The following LRRIQ1 variants were observed in gnomAD, a reference collection of about 807,000 sequenced individuals.
LRRIQ1 encodes the protein leucine rich repeats and IQ motif containing 1, also known as leucine-rich repeat- and IQ domain-containing protein 1.
A neutral mutation model predicts 211.9 loss-of-function variants in LRRIQ1; 210 were observed. The observed-to-expected ratio is 0.99, with a 90% CI of 0.89 to 1.11. LRRIQ1 has a LOEUF of 1.11. Among genes scored for constraint, LRRIQ1 ranks in the 50% most tolerant of loss-of-function variants. The pLI, the probability that LRRIQ1 is intolerant of heterozygous loss-of-function variation, is 0.00. For missense variants in LRRIQ1, 2,136 were observed against 1,939.5 expected, an observed-to-expected ratio of 1.10 and a Z score of -1.90; for synonymous variants, 699 against 650.1, an observed-to-expected ratio of 1.08 and a Z score of -1.14.
chr12:85,190,442 TTAA>T (rs1294545945), intron 24 of LRRIQ1, among the ~76,000 whole-genome samples: 2 of 147,496 alleles, frequency 1.4e-5, no homozygotes, highest in Admixed American at 1.4e-4. Context: ...ATCAAATAGT[TTAA>T]TATTAATATA....
At chr12:85,125,983 G>T (rs1355920774) in intron 17 of LRRIQ1, among the ~76,000 whole-genome samples, 1 of 152,120 alleles carries the variant, frequency 6.6e-6, no homozygotes, top group East Asian at 1.9e-4. Context: ...ACTGCCAATT[G>T]TATAAGAGTT....
At chr12:85,115,174 C>T (rs969048910) in intron 15 of LRRIQ1, among the ~76,000 whole-genome samples, 9 of 152,034 alleles carry the variant, frequency 5.9e-5, no homozygotes, top group Non-Finnish European at 1.2e-4. Flanking sequence ...GATTAGGAGG[C>T]GCCCAGCTGG....
chr12:85,064,931 T>A (rs1005405642), intron 8 of LRRIQ1, among the ~76,000 whole-genome samples: 1 of 151,954 alleles, frequency 6.6e-6, no homozygotes, highest in Middle Eastern at 3.4e-3. Context: ...TTACTACAGC[T>A]GTGTAGTATA....
At chr12:85,225,183 T>C (rs1015888347) in intron 24 of LRRIQ1, among the ~76,000 whole-genome samples, 2 of 152,132 alleles carry the variant, frequency 1.3e-5, no homozygotes, top group African/African-American at 4.8e-5. Context: ...GTTTATATTA[T>C]ATTGGGCATT....
At chr12:85,036,841 C>G (rs867185358) in intron 1 of LRRIQ1, among the ~76,000 whole-genome samples, 1 of 151,652 alleles carries the variant, frequency 6.6e-6, no homozygotes, top group Non-Finnish European at 1.5e-5. Flanking sequence ...GTTCCTTAAG[C>G]TTTTCTACTT....
intron 15 of LRRIQ1, among the ~76,000 whole-genome samples, chr12:85,117,628 G>A (rs573204564): frequency 6.6e-6 from 1 of 152,160 alleles, no homozygotes; most frequent in African/African-American, 2.4e-5. Context: ...ATAAACTGTG[G>A]GTTATTCTCA....
intron 11 of LRRIQ1, among the ~76,000 whole-genome samples, chr12:85,094,799 T>C (rs1885721152): frequency 6.6e-6 from 1 of 152,108 alleles, no homozygotes; most frequent in Non-Finnish European, 1.5e-5. Flanking sequence ...TGGTGCTTTG[T>C]AGTTCTCTTT....
chr12:85,229,477 T>G (rs1211054765), intron 24 of LRRIQ1, 40 bp from the exon 25 acceptor site: 10 of 1,529,930 alleles, frequency 6.5e-6, no homozygotes, highest in Non-Finnish European at 7.9e-6. Flanking sequence ...AAGTTTGGTC[T>G]CTTTAAATAA....
chr12:85,217,380 C>T (rs1466020784), intron 24 of LRRIQ1, among the ~76,000 whole-genome samples: 1 of 148,036 alleles, frequency 6.8e-6, no homozygotes, highest in Non-Finnish European at 1.5e-5. Flanking sequence ...ACTTGTCCCT[C>T]AATTAATAAA....
chr12:85,121,853 T>C lies in LRRIQ1; in HGVS notation c.3534T>C (p.Ile1178=). The C allele has an allele frequency of 6.2e-7, 1 of 1,606,816 alleles. No individual in the cohort carries two copies. The highest frequency in any genetic ancestry group is 8.5e-7 in the Non-Finnish European group (1 of 1,177,036). The part of the protein sequence containing the change: ...QSQIREFNLL[I]ENYITGKGDV... ...AGATTCGAGAATTCAACTTGCTAAT[T>C]GAAAATTATATAACTGGAAAAGGGT... Residue 1178 remains isoleucine, a synonymous_variant, in exon 16 of 27, where the codon ATT becomes ATC. Coordinates refer to ENST00000393217, the MANE Select transcript of LRRIQ1 (RefSeq NM_001079910.2).
intron 24 of LRRIQ1, among the ~76,000 whole-genome samples, chr12:85,184,646 G>T (rs1892145138): frequency 6.6e-6 from 1 of 151,900 alleles, no homozygotes; most frequent in Non-Finnish European, 1.5e-5. Context: ...ATTAAGGGAA[G>T]GAAGACCCTT....
intron 19 of LRRIQ1, among the ~76,000 whole-genome samples, chr12:85,150,499 A>C (rs74114210): frequency 0.013 from 2,004 of 151,944 alleles, 47 homozygotes; most frequent in African/African-American, 0.045. Flanking sequence ...GATTGTATAA[A>C]TCAGTGGGAG....
intron 1 of LRRIQ1, among the ~76,000 whole-genome samples, chr12:85,252,286 T>C (rs528941671): frequency 2.2e-4 from 33 of 152,068 alleles, no homozygotes; most frequent in African/African-American, 7.9e-4. Flanking sequence ...TAGTTTTCTA[T>C]TGAAAAGTCA....
At chr12:85,156,070 G>C (rs898869715) in intron 23 of LRRIQ1, among the ~76,000 whole-genome samples, 3 of 151,590 alleles carry the variant, frequency 2.0e-5, no homozygotes, top group African/African-American at 7.3e-5. Flanking sequence ...TTTTGGGTTA[G>C]GTTAAAATCC....
At chr12:85,092,161 C>T (rs1252980941) in intron 11 of LRRIQ1, among the ~76,000 whole-genome samples, 1 of 152,128 alleles carries the variant, frequency 6.6e-6, no homozygotes, top group Non-Finnish European at 1.5e-5. Context: ...GAGATCATAA[C>T]AAATCAGTTG....
At chr12:85,264,432 A>C (rs1896381045) in exon 2 of LRRIQ1, 1 of 152,050 alleles carries the variant, frequency 6.6e-6, no homozygotes, top group South Asian at 2.1e-4. Flanking sequence ...TGATTGATAT[A>C]TATGTCAATA....
chr12:85,055,607 C>G lies in LRRIQ1; in HGVS notation c.814C>G (p.Gln272Glu), dbSNP rs567931892. 1.9e-6 allele frequency: 3 copies of G among 1,567,500 alleles called. No individual in the cohort carries two copies. Among genetic ancestry groups the G allele is most frequent in the African/African-American group, 2.8e-5 (2 of 71,880 alleles). Residue 272 changes from glutamine (Q) to glutamate (E), a missense_variant, in exon 8 of 27, where the codon CAA becomes GAA. Physicochemically the swap from Gln to Glu is conservative, Grantham distance 29. Coordinates refer to ENST00000393217, the MANE Select transcript of LRRIQ1 (RefSeq NM_001079910.2). ...EEERTRFKDQQEKEKNSLLKQ... is the reference protein window; with the variant it reads ...EEERTRFKDQEEKEKNSLLKQ... Reference sequence around the variant, plus strand: ...AGAAAGAACAAGATTTAAAGACCAACAAGAAAAAGAAAAAAATTCTTTGTT... The same window carrying G: ...AGAAAGAACAAGATTTAAAGACCAAGAAGAAAAAGAAAAAAATTCTTTGTT...
intron 19 of LRRIQ1, among the ~76,000 whole-genome samples, chr12:85,148,863 C>T (rs892616639): frequency 1.3e-5 from 2 of 152,022 alleles, no homozygotes; most frequent in African/African-American, 4.8e-5. Context: ...GAGATAGTAT[C>T]TCATTGTGGT....
chr12:85,056,132 A>C lies in LRRIQ1; in HGVS notation c.1339A>C (p.Met447Leu). Reference protein sequence around the residue: ...VLLWLVEESNMKENVDRQTIL... With the variant: ...VLLWLVEESNLKENVDRQTIL... ...CCTTTGGCTAGTTGAGGAATCAAAT[A>C]TGAAAGAAAATGTAGATAGACAGAC... is the stretch of plus-strand genomic sequence containing the variant. The change falls in exon 8 of 27, where the codon ATG becomes CTG. Residue 447 changes from methionine (M) to leucine (L), a missense_variant. Coordinates refer to ENST00000393217, the MANE Select transcript of LRRIQ1 (RefSeq NM_001079910.2). 6.3e-7 allele frequency: 1 copy of C among 1,599,572 alleles called. No homozygotes were observed. Among genetic ancestry groups the C allele is most frequent in the Non-Finnish European group, 8.5e-7 (1 of 1,175,992 alleles).
Sources: gnomAD v4.1 joint callset for allele counts (sites outside exome capture counted in the v4.1 genomes callset) on GRCh38, gnomAD v4.1.1 for gene constraint, MANE v1.5 for transcripts, NCBI Gene and HGNC (gene_info 2026-07-23, HGNC 2026-07-21) for gene names.